The following RAB6B variants were observed in gnomAD, a reference collection of about 807,000 sequenced individuals.
RAB6B encodes RAB6B, member RAS oncogene family.
Under a neutral mutation model 31.2 loss-of-function variants are expected in RAB6B, and 7 were observed. The ratio of observed to expected loss-of-function variants is 0.22; its 90% CI spans 0.13 to 0.42. RAB6B has a LOEUF of 0.42. Ranked by LOEUF, RAB6B falls within the 10% of genes least tolerant of loss-of-function variation. The pLI, the probability that RAB6B is intolerant of heterozygous loss-of-function variation, is 1.00. For missense variants in RAB6B, 149 were observed against 280.6 expected, an observed-to-expected ratio of 0.53 and a Z score of 3.35; for synonymous variants, 105 against 104.9, an observed-to-expected ratio of 1.00 and a Z score of -0.01.
chr3:133,839,472 G>A (rs1278169670), intron 5 of RAB6B, 34 bp downstream of exon 5: 3 of 1,529,286 alleles, frequency 2.0e-6, no homozygotes, highest in East Asian at 2.2e-5. Flanking sequence ...GGAGTGGAGG[G>A]TGGCACCCTG....
chr3:133,828,650 C>T lies in RAB6B; in HGVS notation c.*138G>A, dbSNP rs1303652892. ...ATGCCCAGCCTCCCTCCCCATCCCACCCTACTCCTAAAGACAGAGAGAAAA... is the reference window on the plus strand; with the variant it reads ...ATGCCCAGCCTCCCTCCCCATCCCATCCTACTCCTAAAGACAGAGAGAAAA... On this transcript the variant is annotated 3_prime_UTR_variant, in exon 8 of 8. Coordinates refer to ENST00000285208, the MANE Select transcript of RAB6B (RefSeq NM_016577.4). 5.9e-6 allele frequency: 4 copies of T among 681,958 alleles called. No homozygotes were observed. Among genetic ancestry groups the T allele is most frequent in the Admixed American group, 1.9e-5 (1 of 53,728 alleles). The allele number at this position is 681,958 out of a possible 1,614,324, so 42.2% of individuals were successfully genotyped here. A position where few individuals can be genotyped will look rare whatever the true frequency, so the allele number is the denominator to read the frequency against.
intron 1 of RAB6B, among the ~76,000 whole-genome samples, chr3:133,866,282 C>G (rs761298422): frequency 2.0e-5 from 3 of 152,136 alleles, no homozygotes; most frequent in Non-Finnish European, 2.9e-5. Context: ...ACACAATGGG[C>G]AATTAGGTGG....
chr3:133,856,036 C>T (rs765745861), intron 2 of RAB6B, among the ~76,000 whole-genome samples: 8 of 152,048 alleles, frequency 5.3e-5, no homozygotes, highest in Admixed American at 1.3e-4. Context: ...CCAGCACGCA[C>T]GAAGATGAGA....
At chr3:133,850,762 A>G (rs1173921936) in intron 2 of RAB6B, among the ~76,000 whole-genome samples, 2 of 152,196 alleles carry the variant, frequency 1.3e-5, no homozygotes, top group African/African-American at 4.8e-5. Flanking sequence ...AAGTCTTCTG[A>G]GTGCAAAATG....
chr3:133,855,798 T>C (rs1936066765), intron 2 of RAB6B, among the ~76,000 whole-genome samples: 1 of 152,206 alleles, frequency 6.6e-6, no homozygotes, highest in African/African-American at 2.4e-5. Context: ...GAGCTACTGG[T>C]GGGCCCACCC....
At chr3:133,832,161 C>T (rs1935663803) in intron 7 of RAB6B, among the ~76,000 whole-genome samples, 2 of 152,168 alleles carry the variant, frequency 1.3e-5, no homozygotes, top group South Asian at 4.1e-4. Flanking sequence ...CAGAAACAGT[C>T]TGGGGCCCAT....
At position 133,885,894 on chromosome 3, in the gene RAB6B, G is replaced by A. The variant is rs141764368; in HGVS notation, c.70+9503C>T. ...AGCCCTCTCTATAAATTCCATCCTC[G>A]GAACGTTTCTGTTCTGACCTAGTTC... On this transcript the variant is annotated intron_variant, in intron 1 of 7. Transcript: ENST00000285208. Among the ~76,000 whole-genome samples, 403 of 152,202 alleles carry A rather than the reference G, an allele frequency of 2.6e-3. 6 individuals carry two copies. Among genetic ancestry groups the A allele is most frequent in the African/African-American group, 8.2e-3 (340 of 41,522 alleles).
rs909960517 is a variant in RAB6B, at chr3:133,876,850, C to T, written c.71-12208G>A. On this transcript the variant is annotated intron_variant, in intron 1 of 7. Transcript: ENST00000285208. ...AAAATCAAGGCTGATAACCAGACCA[C>T]GCAACACTGCCTGCCCAGACTGATG... Among the ~76,000 whole-genome samples, 4 of 152,026 alleles carry T rather than the reference C, an allele frequency of 2.6e-5. No homozygotes were observed. The East Asian group carries it at 7.7e-4, about 29-fold the overall frequency.
In RAB6B at chr3:133,889,411, TATATATATATATATATATATATATATA is replaced by T. The variant is rs1559915451; in HGVS notation, c.70+5959_70+5985del. On this transcript the variant is annotated intron_variant, in intron 1 of 7. Coordinates refer to ENST00000285208, the MANE Select transcript of RAB6B (RefSeq NM_016577.4). ...TGTTATATATATATATATATATATA[TATATATATATATATATATATATATATA>T]TATATATTTATTTTGGGATGGAGTT... 4.8e-3 allele frequency among the ~76,000 whole-genome samples: 225 copies of T among 46,618 alleles called. 8 individuals are homozygous for T. Among genetic ancestry groups the T allele is most frequent in the African/African-American group, 0.024 (209 of 8,880 alleles). The allele number at this position is 46,618 out of a possible 152,430, so 30.6% of individuals were successfully genotyped here.
chr3:133,845,306 C>A (rs1156858005), intron 2 of RAB6B, among the ~76,000 whole-genome samples: 2 of 152,324 alleles, frequency 1.3e-5, no homozygotes, highest in African/African-American at 4.8e-5. Context: ...GGACTCTGAC[C>A]TCTTGAATGG....
chr3:133,839,152 A>G (rs1935784075), intron 5 of RAB6B, among the ~76,000 whole-genome samples: 1 of 152,250 alleles, frequency 6.6e-6, no homozygotes, highest in Non-Finnish European at 1.5e-5. Flanking sequence ...GACAGTTCAC[A>G]GTGCACACGC....
intron 2 of RAB6B, among the ~76,000 whole-genome samples, chr3:133,853,180 T>A (rs780956832): frequency 9.9e-5 from 15 of 152,000 alleles, no homozygotes; most frequent in Admixed American, 2.0e-4. Context: ...ACAGGGTACA[T>A]TTCATCTCAA....
chr3:133,834,742 G>T, intron 6 of RAB6B, 101 bp from the exon 7 acceptor site: 1 of 1,120,012 alleles, frequency 8.9e-7, no homozygotes, highest in Non-Finnish European at 1.4e-6. Flanking sequence ...CCAACCTGCA[G>T]CTTTACTCTC....
At chr3:133,858,245 T>A (rs950653859) in intron 2 of RAB6B, among the ~76,000 whole-genome samples, 5 of 152,278 alleles carry the variant, frequency 3.3e-5, no homozygotes, top group African/African-American at 1.2e-4. Flanking sequence ...GTTTCCATTT[T>A]AATTTCTCTT....
At chr3:133,841,203 T>C (rs1935824781) in intron 4 of RAB6B, 82 bp downstream of exon 4, 1 of 1,261,078 alleles carries the variant, frequency 7.9e-7, no homozygotes. Context: ...TGCACACACA[T>C]GCACACAGGC....
intron 1 of RAB6B, among the ~76,000 whole-genome samples, chr3:133,878,533 G>A (rs1336981048): frequency 6.6e-6 from 1 of 152,184 alleles, no homozygotes; most frequent in Non-Finnish European, 1.5e-5. Flanking sequence ...ATCAAGAAAT[G>A]TTAAAGAAAG....
At chr3:133,831,598 A>G (rs1935656693) in intron 7 of RAB6B, among the ~76,000 whole-genome samples, 1 of 152,218 alleles carries the variant, frequency 6.6e-6, no homozygotes, top group Admixed American at 6.5e-5. Flanking sequence ...TGCTGCTGAA[A>G]TGCAGTGCTC....
intron 2 of RAB6B, among the ~76,000 whole-genome samples, chr3:133,855,102 G>C (rs1312740281): frequency 6.6e-6 from 1 of 152,266 alleles, no homozygotes; most frequent in Non-Finnish European, 1.5e-5. Context: ...TGACAATGAA[G>C]TTGCTGTTTG....
At chr3:133,882,366 C>G (rs970228165) in intron 1 of RAB6B, among the ~76,000 whole-genome samples, 1 of 152,234 alleles carries the variant, frequency 6.6e-6, no homozygotes, top group East Asian at 1.9e-4. Flanking sequence ...ACAAGCAAGT[C>G]ACAAGTTCCA....
Sources: gnomAD v4.1 joint callset for allele counts (sites outside exome capture counted in the v4.1 genomes callset) on GRCh38, gnomAD v4.1.1 for gene constraint, MANE v1.5 for transcripts, NCBI Gene and HGNC (gene_info 2026-07-23, HGNC 2026-07-21) for gene names.